PCDHGC3: variants seen among roughly 807,000 people sequenced by gnomAD.
The protein encoded by PCDHGC3 is protocadherin gamma subfamily C, 3, also known as protocadherin gamma-C3.
A neutral mutation model predicts 59.2 loss-of-function variants in PCDHGC3; 26 were observed. That is an observed-to-expected ratio of 0.44 (90% CI 0.32 to 0.61). PCDHGC3 has a LOEUF of 0.61. PCDHGC3 is among the 20% of genes least tolerant of loss of function. The probability of loss-of-function intolerance (pLI) is 0.05; values close to 1 mark genes in which losing one functional copy is unlikely to be tolerated. For missense variants in PCDHGC3, 1,080 were observed against 1,221.8 expected (o/e 0.88, Z 1.73); for synonymous variants, 487 against 519.7 (o/e 0.94, Z 0.86).
Position 141,489,880 on chromosome 5 carries a change from G to A in PCDHGC3, c.2431-4927G>A. On this transcript the variant is annotated intron_variant, in intron 1 of 3. Transcript: ENST00000308177. The surrounding 1 kb of genome is among the most constrained non-coding windows in gnomAD (Gnocchi z 4.5). Reference sequence around the variant, plus strand: ...GGCAAGACATCAGCTGGTGCTTACTGCTGTGGATGGGGGGACCCCAGCCCG... The same window carrying A: ...GGCAAGACATCAGCTGGTGCTTACTACTGTGGATGGGGGGACCCCAGCCCG... 2 of 1,614,230 alleles carry A rather than the reference G, an allele frequency of 1.2e-6. No individual in the cohort carries two copies. The highest frequency in any genetic ancestry group is 1.7e-6 in the Non-Finnish European group (2 of 1,180,026).
At position 141,489,436 on chromosome 5, in the gene PCDHGC3, T is replaced by C. The variant is rs1002519; in HGVS notation, c.2431-5371T>C. 0.23 allele frequency: 369,130 copies of C among 1,613,832 alleles called. 44,340 individuals are homozygous for C. The highest frequency in any genetic ancestry group is 0.38 in the Admixed American group (23,024 of 60,000). On this transcript the variant is annotated intron_variant, in intron 1 of 3. Transcript: ENST00000308177. The surrounding 1 kb of genome is among the most constrained non-coding windows in gnomAD (Gnocchi z 4.5). ...AGATCTGTTGAGCCGGCGGCTGCAATTGGGCTCTGAGGAGAATGGGCGCTA... is the reference window on the plus strand; with the variant it reads ...AGATCTGTTGAGCCGGCGGCTGCAACTGGGCTCTGAGGAGAATGGGCGCTA...
chr5:141,484,123 T>C (rs2099592351), intron 1 of PCDHGC3, among the ~76,000 whole-genome samples: 1 of 152,174 alleles, frequency 6.6e-6, no homozygotes, highest in South Asian at 2.1e-4. Flanking sequence ...AAGAATACCT[T>C]GGTGTCAGAT....
intron 1 of PCDHGC3, among the ~76,000 whole-genome samples, chr5:141,481,728 C>T (rs529419213): frequency 2.1e-4 from 32 of 152,032 alleles, no homozygotes; most frequent in African/African-American, 7.2e-4. Flanking sequence ...CGGAGGCGGG[C>T]GGATCACGAG....
rs778054090 is a variant in PCDHGC3 at position 141,505,509 on chromosome 5, G to C, written c.2578+28G>C. On this transcript the variant is annotated intron_variant, in intron 3 of 3. Coordinates refer to ENST00000308177, the MANE Select transcript of PCDHGC3 (RefSeq NM_002588.4). ...AAGTGGTGTCAGTGTGTGTATGGAA[G>C]AGTGGGAGACCTGGGGTTCTGGGGT... The C allele has an allele frequency of 3.7e-6, 6 of 1,614,058 alleles. No homozygotes were observed. The East Asian group carries it at 1.1e-4, about 30-fold the overall frequency.
At position 141,475,984 on chromosome 5, in the gene PCDHGC3, G is replaced by C. The variant is rs1282216343; in HGVS notation, c.-133G>C. 1 of 1,069,308 alleles carries C rather than the reference G, an allele frequency of 9.4e-7. No homozygotes were observed. The highest frequency in any genetic ancestry group is 1.3e-6 in the Non-Finnish European group (1 of 745,076). 66.2% of individuals were successfully genotyped at this position (1,069,308 alleles called of 1,614,324 possible). ...ATGAGGCAGAGACTGAACAGCCGGC[G>C]AGCAAATCAACGGCATCCAGAAAGC... On this transcript the variant is annotated 5_prime_UTR_variant, in exon 1 of 4. Coordinates refer to ENST00000308177, the MANE Select transcript of PCDHGC3 (RefSeq NM_002588.4).
chr5:141,490,775 A>G lies in PCDHGC3; in HGVS notation c.2431-4032A>G. 6 of 1,614,110 alleles carry G rather than the reference A, an allele frequency of 3.7e-6. No homozygotes were observed. Among genetic ancestry groups the G allele is most frequent in the Non-Finnish European group, 5.1e-6 (6 of 1,179,964 alleles). On this transcript the variant is annotated intron_variant, in intron 1 of 3. Transcript: ENST00000308177. The surrounding 1 kb of genome is among the most constrained non-coding windows in gnomAD (Gnocchi z 5.4). ...TCCTCCTTTGTGTATGTCAACCCAG[A>G]GGATGGACGGATCTTTGCCCAGCGT...
intron 2 of PCDHGC3, among the ~76,000 whole-genome samples, chr5:141,500,948 A>G (rs1055841985): frequency 1.8e-4 from 28 of 151,592 alleles, no homozygotes; most frequent in Non-Finnish European, 4.4e-5. Context: ...GGCTCACTGC[A>G]AGCTCCACCT....
At chr5:141,497,468 G>A (rs912445126) in intron 2 of PCDHGC3, among the ~76,000 whole-genome samples, 10 of 151,996 alleles carry the variant, frequency 6.6e-5, no homozygotes, top group African/African-American at 2.4e-4. Flanking sequence ...GAGATATGGA[G>A]GAGAAGGTGC....
chr5:141,499,260 G>T (rs2099790657), intron 2 of PCDHGC3, among the ~76,000 whole-genome samples: 1 of 152,028 alleles, frequency 6.6e-6, no homozygotes, highest in African/African-American at 2.4e-5. Context: ...GTCTCCATTT[G>T]GTCCCTAGAC....
Position 141,500,858 on chromosome 5 carries a change from A to G in PCDHGC3, c.2490-4535A>G, listed in dbSNP as rs1160743056. Among the ~76,000 whole-genome samples the G allele has an allele frequency of 3.3e-5, 5 of 150,740 alleles. No individual in the cohort carries two copies. The South Asian group carries it at 1.0e-3, about 32-fold the overall frequency. ...TAATGGGCTTTTGCTACATTAGAAA[A>G]CATACACATTCATTTACAATTTTTT... On this transcript the variant is annotated intron_variant, in intron 2 of 3. Coordinates refer to ENST00000308177, the MANE Select transcript of PCDHGC3 (RefSeq NM_002588.4).
chr5:141,482,530 CA>C (rs3074545), intron 1 of PCDHGC3, among the ~76,000 whole-genome samples: 1,133 of 76,538 alleles, frequency 0.015, 6 homozygotes, highest in Admixed American at 0.025. Flanking sequence ...GACAGACATG[CA>C]AAAAAAAAAA....
intron 3 of PCDHGC3, among the ~76,000 whole-genome samples, chr5:141,507,790 A>C (rs922507228): frequency 5.9e-5 from 9 of 152,188 alleles, no homozygotes; most frequent in Admixed American, 2.6e-4. Context: ...ACCCTCGTCT[A>C]AGCCTGCGCC....
chr5:141,510,862 C>CATTCA, intron 3 of PCDHGC3, 85 bp from the exon 4 acceptor site: 1 of 1,606,772 alleles, frequency 6.2e-7, no homozygotes, highest in South Asian at 1.1e-5. Flanking sequence ...GCTGTATAGG[C>CATTCA]ATTCATTAAC....
chr5:141,486,843 A>G lies in PCDHGC3; in HGVS notation c.2431-7964A>G, dbSNP rs1455684942. On this transcript the variant is annotated intron_variant, in intron 1 of 3. Coordinates refer to ENST00000308177, the MANE Select transcript of PCDHGC3 (RefSeq NM_002588.4). The surrounding 1 kb of genome is among the most constrained non-coding windows in gnomAD (Gnocchi z 5.0). ...GTAACAGTTCGTCTATTTGTGCTGG[A>G]CCTCAATGACAATGCTCCAGCTGTG... 6.2e-7 allele frequency: 1 copy of G among 1,614,214 alleles called. No homozygotes were observed. Among genetic ancestry groups the G allele is most frequent in the Admixed American group, 1.7e-5 (1 of 60,034 alleles).
chr5:141,488,793 C>G (rs1274193018), intron 1 of PCDHGC3, among the ~76,000 whole-genome samples: 1 of 152,172 alleles, frequency 6.6e-6, no homozygotes, highest in African/African-American at 2.4e-5. Context: ...TTTGTCTTCC[C>G]TGTTGAGTAC....
chr5:141,505,246 G>C, intron 2 of PCDHGC3, 147 bp from the exon 3 acceptor site: 2 of 1,436,674 alleles, frequency 1.4e-6, no homozygotes, highest in Non-Finnish European at 1.9e-6. Flanking sequence ...AAGGATTGTA[G>C]AAGTGCCTCC....
At position 141,486,493 on chromosome 5, in the gene PCDHGC3, T is replaced by C. The variant is rs761905572; in HGVS notation, c.2430+7947T>C. The C allele has an allele frequency of 1.2e-6, 2 of 1,614,136 alleles. No homozygotes were observed. The highest frequency in any genetic ancestry group is 1.7e-6 in the Non-Finnish European group (2 of 1,179,960). Reference sequence around the variant, plus strand: ...ACCCTCCTCTCAGTACCCACAGAACTATTTTCCTCAATATTTCAGATGTGA... The same window carrying C: ...ACCCTCCTCTCAGTACCCACAGAACCATTTTCCTCAATATTTCAGATGTGA... On this transcript the variant is annotated intron_variant, in intron 1 of 3. Transcript: ENST00000308177. The surrounding 1 kb of genome is among the most constrained non-coding windows in gnomAD (Gnocchi z 5.0).
At chr5:141,482,611 G>T (rs1016481108) in intron 1 of PCDHGC3, among the ~76,000 whole-genome samples, 1 of 150,398 alleles carries the variant, frequency 6.6e-6, no homozygotes, top group Admixed American at 6.6e-5. Context: ...ACACCTAAAT[G>T]AGCCTGGAGA....
intron 2 of PCDHGC3, among the ~76,000 whole-genome samples, chr5:141,496,841 G>C (rs2099771828): frequency 6.6e-6 from 1 of 151,398 alleles, no homozygotes; most frequent in South Asian, 2.1e-4. Context: ...GAACTCATAG[G>C]CTTCCAGACC....
Sources: allele counts gnomAD v4.1 joint callset (sites outside exome capture counted in the v4.1 genomes callset), GRCh38; gene constraint gnomAD v4.1.1; non-coding constraint Gnocchi (gnomAD v3.1); transcripts MANE v1.5; gene names NCBI Gene and HGNC (gene_info 2026-07-23, HGNC 2026-07-21).